The following FADS1 variants were observed in gnomAD, a reference collection of about 807,000 sequenced individuals.
FADS1 encodes the protein acyl-CoA (8-3)-desaturase.
FADS1 carries 17 observed loss-of-function variants against 61.6 expected under a neutral mutation model. That is an observed-to-expected ratio of 0.28 (90% CI 0.19 to 0.41). The LOEUF is 0.41. Ranked by LOEUF, FADS1 falls within the 10% of genes least tolerant of loss-of-function variation. The pLI is 1.00. For synonymous variants in FADS1, 238 were observed against 258.7 expected (o/e 0.92, Z 0.77); for missense variants, 387 against 650.9 (o/e 0.59, Z 4.41).
rs551339596 is a variant in FADS1 at position 61,810,078 on chromosome 11, A to G, written c.915+673T>C. On this transcript the variant is annotated intron_variant, in intron 5 of 11. Coordinates refer to ENST00000350997, the MANE Select transcript of FADS1 (RefSeq NM_013402.7). ...CAAAGGGCTTTAAATGAACTTTTCA[A>G]AGAATTCTGCTGGCCTTTTAGAACC... is the stretch of plus-strand genomic sequence containing the variant. 2.6e-5 allele frequency among the ~76,000 whole-genome samples: 4 copies of G among 152,362 alleles called. No homozygotes were observed. In the South Asian group the frequency reaches 8.3e-4, roughly 32 times the overall value.
In FADS1 at chr11:61,808,453, C is replaced by A. The variant is rs566570458; in HGVS notation, c.916-1729G>T. Among the ~76,000 whole-genome samples the A allele has an allele frequency of 2.5e-3, 383 of 152,302 alleles. 3 individuals are homozygous for A. Among genetic ancestry groups the A allele is most frequent in the African/African-American group, 8.6e-3 (359 of 41,556 alleles). On this transcript the variant is annotated intron_variant, in intron 5 of 11. Coordinates refer to ENST00000350997, the MANE Select transcript of FADS1 (RefSeq NM_013402.7). ...TGGGCAATAGGCTGCTTGGTTCCAT[C>A]CCTCTGGGGATGTTGATGCCTGTGC...
intron 6 of FADS1, 153 bp from the exon 7 acceptor site, chr11:61,804,914 A>G: frequency 7.7e-6 from 5 of 652,586 alleles, no homozygotes; most frequent in Non-Finnish European, 1.4e-5. Flanking sequence ...TCTGCAATCC[A>G]CTGGAACCAG....
At chr11:61,814,752 A>G (rs1329938833) in intron 1 of FADS1, 2 of 152,124 alleles carry the variant, frequency 1.3e-5, no homozygotes, top group South Asian at 2.1e-4. Flanking sequence ...CAGAGCGCCA[A>G]TTGGTGCGTT....
At chr11:61,811,136 C>G (rs2066928234) in intron 3 of FADS1, 61 bp from the exon 4 acceptor site, 1 of 1,224,174 alleles carries the variant, frequency 8.2e-7, no homozygotes, top group Non-Finnish European at 1.2e-6. Context: ...CTTCACTGAC[C>G]TCGATGCCTC....
chr11:61,804,835 A>T, intron 6 of FADS1, 74 bp from the exon 7 acceptor site: 1 of 1,294,928 alleles, frequency 7.7e-7, no homozygotes, highest in East Asian at 2.3e-5. Flanking sequence ...ATGTTGGGAG[A>T]GATGGCCTCT....
In FADS1 at chr11:61,802,311, T is replaced by A; in HGVS notation, c.*100A>T. Reference sequence around the variant, plus strand: ...CTTTATGTCCCCAAACCCAACCCCCTCTGAGTATTAAACTATAGTGGCATT... The same window carrying A: ...CTTTATGTCCCCAAACCCAACCCCCACTGAGTATTAAACTATAGTGGCATT... On this transcript the variant is annotated 3_prime_UTR_variant, in exon 12 of 12. Coordinates refer to ENST00000350997, the MANE Select transcript of FADS1 (RefSeq NM_013402.7). The surrounding 1 kb of genome is among the most constrained non-coding windows in gnomAD (Gnocchi z 4.2). 2 of 1,075,656 alleles carry A rather than the reference T, an allele frequency of 1.9e-6. No homozygotes were observed. Among genetic ancestry groups the A allele is most frequent in the Non-Finnish European group, 2.8e-6 (2 of 717,096 alleles). 66.6% of individuals were successfully genotyped at this position (1,075,656 alleles called of 1,614,324 possible).
intron 6 of FADS1, chr11:61,806,348 CAA>C (rs59417762): frequency 0.021 from 3,214 of 154,782 alleles, no homozygotes; most frequent in Middle Eastern, 0.043. Context: ...GACTCCGTCT[CAA>C]AAAAAAAAAA....
At chr11:61,813,707 T>C (rs1371548466) in intron 1 of FADS1, 5 of 199,732 alleles carry the variant, frequency 2.5e-5, no homozygotes, top group South Asian at 1.0e-4. Flanking sequence ...GGCTCACGCC[T>C]GTAATCCCAG....
chr11:61,812,598 T>A lies in FADS1; in HGVS notation c.557A>T (p.His186Leu). The change falls in exon 3 of 12, where the codon CAT becomes CTT. Residue 186 changes from histidine to leucine, a missense_variant. Around this residue, in one of 2 missense-constraint regions of FADS1, gnomAD observed 257 missense variants for 533.3 expected, o/e 0.48. Transcript: ENST00000350997. Reference sequence around the variant, plus strand: ...CAGCAGGTACAGCAGGAAGAAGACATGGTTGGCCTTCATGAGCCCCATCCG... The same window carrying A: ...CAGCAGGTACAGCAGGAAGAAGACAAGGTTGGCCTTCATGAGCCCCATCCG... The part of the protein sequence containing the change: ...VERMGLMKAN[H>L]VFFLLYLLHI... 1 of 1,614,112 alleles carries A rather than the reference T, an allele frequency of 6.2e-7. No homozygotes were observed. Among genetic ancestry groups the A allele is most frequent in the Non-Finnish European group, 8.5e-7 (1 of 1,180,006 alleles).
At chr11:61,804,125 C>A in intron 7 of FADS1, 1 of 288,876 alleles carries the variant, frequency 3.5e-6, no homozygotes, top group Non-Finnish European at 6.5e-6. Flanking sequence ...CTGAACCAAG[C>A]ACCATACTCT....
intron 5 of FADS1, among the ~76,000 whole-genome samples, chr11:61,807,418 C>T (rs948877332): frequency 1.3e-5 from 2 of 152,194 alleles, no homozygotes; most frequent in African/African-American, 4.8e-5. Context: ...ATATCTGCCC[C>T]TATACAGGTT....
chr11:61,806,340 C>T (rs2066894430), intron 6 of FADS1: 1 of 266,420 alleles, frequency 3.8e-6, no homozygotes, highest in Admixed American at 4.6e-5. Flanking sequence ...CAGAGCAAGA[C>T]TCCGTCTCAA....
In FADS1 at chr11:61,809,082, GTCT is replaced by G. The variant is rs550427981; in HGVS notation, c.915+1666_915+1668del. ...GATCTGGCCCCTCCCTAGTTTTCTG[GTCT>G]TCTCATTCTCTCATTGCTTACTGTC... On this transcript the variant is annotated intron_variant, in intron 5 of 11. Transcript: ENST00000350997. Among the ~76,000 whole-genome samples the G allele has an allele frequency of 3.7e-4, 56 of 152,230 alleles. No homozygotes were observed. In the East Asian group the frequency reaches 0.011, roughly 29 times the overall value.
In FADS1 at chr11:61,810,871, G is replaced by C. The variant is rs766451796; in HGVS notation, c.795C>G (p.Pro265=). ...AGTGCATGTGGTTCCACCAACTGGC[G>C]GGGGCCCCCTACAGAAAAGCAGGGA... ...HFVIGHLKGA[P]ASWWNHMHFQ... Residue 265 remains proline, a synonymous_variant, in exon 5 of 12, where the codon CCC becomes CCG. Coordinates refer to ENST00000350997, the MANE Select transcript of FADS1 (RefSeq NM_013402.7). The C allele has an allele frequency of 1.9e-6, 3 of 1,614,046 alleles. No individual in the cohort carries two copies. The highest frequency in any genetic ancestry group is 1.7e-5 in the Admixed American group (1 of 60,002).
intron 1 of FADS1, among the ~76,000 whole-genome samples, chr11:61,813,917 C>T (rs1344890986): frequency 1.4e-5 from 2 of 147,832 alleles, no homozygotes; most frequent in South Asian, 2.1e-4. Flanking sequence ...TGCAGTGAGC[C>T]GAGATCGCGC....
intron 1 of FADS1, among the ~76,000 whole-genome samples, chr11:61,813,837 C>A (rs369622258): frequency 6.6e-6 from 1 of 151,752 alleles, no homozygotes; most frequent in South Asian, 2.1e-4. Flanking sequence ...AGGTAGCGGG[C>A]GCCTGTAGTC....
intron 1 of FADS1, among the ~76,000 whole-genome samples, chr11:61,813,893 G>GA (rs1026820795): frequency 4.6e-5 from 7 of 151,502 alleles, no homozygotes; most frequent in Middle Eastern, 6.8e-3. Context: ...TGAACCCCGG[G>GA]GGAGGGCGGA....
At position 61,802,912 on chromosome 11, in the gene FADS1, A is replaced by G; in HGVS notation, c.1343T>C (p.Met448Thr). 1 of 1,613,932 alleles carries G rather than the reference A, an allele frequency of 6.2e-7. No individual in the cohort carries two copies. The highest frequency in any genetic ancestry group is 8.5e-7 in the Non-Finnish European group (1 of 1,179,862). The part of the protein sequence containing the change: ...FQIEHHLFPT[M>T]PRHNYHKVAP... Reference sequence around the variant, plus strand: ...CACTTTGTGGTAATTGTGTCGAGGCATCGTGGGAAAAAGACTTTAGGGAGA... The same window carrying G: ...CACTTTGTGGTAATTGTGTCGAGGCGTCGTGGGAAAAAGACTTTAGGGAGA... Residue 448 changes from methionine (M) to threonine (T), a missense_variant, in exon 11 of 12, where the codon ATG becomes ACG. By Grantham distance (81) the Met-to-Thr change is moderately conservative (BLOSUM62 -1). Around this residue, in one of 2 missense-constraint regions of FADS1, gnomAD observed 257 missense variants for 533.3 expected, o/e 0.48. Coordinates refer to ENST00000350997, the MANE Select transcript of FADS1 (RefSeq NM_013402.7). The surrounding 1 kb of genome is among the most constrained non-coding windows in gnomAD (Gnocchi z 4.2).
At chr11:61,808,497 G>A (rs558228846) in intron 5 of FADS1, among the ~76,000 whole-genome samples, 1 of 152,258 alleles carries the variant, frequency 6.6e-6, no homozygotes, top group Non-Finnish European at 1.5e-5. Flanking sequence ...TGACATCCAC[G>A]TCAGTGCCTC....
Sources: allele counts gnomAD v4.1 joint callset (sites outside exome capture counted in the v4.1 genomes callset), GRCh38; gene constraint gnomAD v4.1.1; regional missense constraint gnomAD v4.1.1; non-coding constraint Gnocchi (gnomAD v3.1); transcripts MANE v1.5; gene names NCBI Gene and HGNC (gene_info 2026-07-23, HGNC 2026-07-21).